STXBP5L: variants seen among roughly 807,000 people sequenced by gnomAD.
STXBP5L encodes the protein syntaxin-binding protein 5-like.
In STXBP5L, 65 loss-of-function variants were observed where a neutral mutation model predicts 144.5. That is an observed-to-expected ratio of 0.45 (90% confidence interval 0.37 to 0.55). The LOEUF is 0.55. Among genes scored for constraint, STXBP5L ranks in the 20% least tolerant of loss-of-function variants. The pLI, the probability that STXBP5L is intolerant of heterozygous loss-of-function variation, is 0.00. For synonymous variants in STXBP5L, 505 were observed against 469.6 expected (o/e 1.08, Z -0.97); for missense variants, 1,298 against 1,405.5 (o/e 0.92, Z 1.22).
chr3:121,335,647 C>T (rs559308713), intron 20 of STXBP5L, among the ~76,000 whole-genome samples: 13 of 152,066 alleles, frequency 8.5e-5, no homozygotes, highest in Non-Finnish European at 1.3e-4. Context: ...AATAAGGCCA[C>T]ACACCTACAA....
At chr3:121,227,009 A>G (rs1057062024) in intron 11 of STXBP5L, among the ~76,000 whole-genome samples, 8 of 152,188 alleles carry the variant, frequency 5.3e-5, no homozygotes, top group East Asian at 3.8e-4. Context: ...TGGTAATATA[A>G]CCAATGTTCC....
intron 5 of STXBP5L, among the ~76,000 whole-genome samples, chr3:121,107,266 T>A (rs1029675962): frequency 1.3e-5 from 2 of 152,192 alleles, no homozygotes; most frequent in South Asian, 2.1e-4. Flanking sequence ...TTGCTTTTGA[T>A]GTTTTCATCA....
At chr3:121,302,686 T>C (rs1451815306) in intron 19 of STXBP5L, among the ~76,000 whole-genome samples, 1 of 152,148 alleles carries the variant, frequency 6.6e-6, no homozygotes, top group African/African-American at 2.4e-5. Context: ...ACCAGAGATA[T>C]AGACCAATGG....
At chr3:121,080,133 A>G (rs1295836823) in intron 5 of STXBP5L, among the ~76,000 whole-genome samples, 1 of 152,052 alleles carries the variant, frequency 6.6e-6, no homozygotes, top group East Asian at 1.9e-4. Context: ...TGTCTGATAT[A>G]AGAATAGCTA....
At chr3:121,338,670 AAG>A (rs1020816307) in intron 20 of STXBP5L, among the ~76,000 whole-genome samples, 1 of 151,680 alleles carries the variant, frequency 6.6e-6, no homozygotes, top group African/African-American at 2.4e-5. Flanking sequence ...GAAAGAAAAA[AAG>A]AAAGAGGAAG....
At chr3:121,248,192 T>C (rs1049032977) in intron 14 of STXBP5L, among the ~76,000 whole-genome samples, 5 of 152,324 alleles carry the variant, frequency 3.3e-5, no homozygotes, top group Admixed American at 1.3e-4. Flanking sequence ...GCCTCCCCAG[T>C]AGCTGGGATT....
intron 5 of STXBP5L, among the ~76,000 whole-genome samples, chr3:121,071,292 C>T (rs190596765): frequency 1.8e-4 from 27 of 152,238 alleles, no homozygotes; most frequent in African/African-American, 5.3e-4. Context: ...ACATTTAACC[C>T]GCATTTAGTT....
chr3:120,977,619 G>C (rs978993861), intron 3 of STXBP5L, among the ~76,000 whole-genome samples: 4 of 152,112 alleles, frequency 2.6e-5, no homozygotes, highest in Non-Finnish European at 5.9e-5. Flanking sequence ...CTCCTTAGTT[G>C]AGGCAGTTTC....
intron 22 of STXBP5L, among the ~76,000 whole-genome samples, chr3:121,402,210 T>A (rs903756091): frequency 1.3e-5 from 2 of 152,196 alleles, no homozygotes; most frequent in Admixed American, 1.3e-4. Context: ...TGTCCAGATA[T>A]TATAATAAGC....
chr3:121,178,829 G>A (rs1206532829), intron 9 of STXBP5L, among the ~76,000 whole-genome samples: 1 of 152,180 alleles, frequency 6.6e-6, no homozygotes, highest in African/African-American at 2.4e-5. Context: ...GCACCCTGAG[G>A]GAAGGCAGCC....
chr3:120,910,849 G>A lies in STXBP5L; in HGVS notation c.189+1082G>A, dbSNP rs185465341. 5.9e-5 allele frequency among the ~76,000 whole-genome samples: 9 copies of A among 152,206 alleles called. 1 individual carries two copies. In the East Asian group the frequency reaches 1.7e-3, roughly 29 times the overall value. On this transcript the variant is annotated intron_variant, in intron 2 of 26. Coordinates refer to ENST00000471454, the MANE Select transcript of STXBP5L (RefSeq NM_001308330.2). Reference sequence around the variant, plus strand: ...TTACATAAAAGCAAGTTTATTTAGAGTTAATTTAGATAAACAGATTTAATT... The same window carrying A: ...TTACATAAAAGCAAGTTTATTTAGAATTAATTTAGATAAACAGATTTAATT...
At chr3:121,208,473 A>G (rs546513442) in intron 10 of STXBP5L, among the ~76,000 whole-genome samples, 25 of 152,334 alleles carry the variant, frequency 1.6e-4, no homozygotes, top group African/African-American at 6.0e-4. Flanking sequence ...CCTAGAACTT[A>G]AAGTGTAATA....
chr3:121,011,583 A>C (rs1005994374), intron 3 of STXBP5L, among the ~76,000 whole-genome samples: 6 of 151,688 alleles, frequency 4.0e-5, no homozygotes, highest in African/African-American at 1.2e-4. Context: ...ATACTTAGAA[A>C]ATACTTAGAA....
chr3:121,076,773 G>A (rs2042036055), intron 5 of STXBP5L, among the ~76,000 whole-genome samples: 1 of 152,100 alleles, frequency 6.6e-6, no homozygotes, highest in Non-Finnish European at 1.5e-5. Flanking sequence ...AAGTTTTTCA[G>A]CATGCACTCC....
At chr3:120,983,984 G>C (rs1396519299) in intron 3 of STXBP5L, among the ~76,000 whole-genome samples, 2 of 152,206 alleles carry the variant, frequency 1.3e-5, no homozygotes, top group Non-Finnish European at 1.5e-5. Flanking sequence ...CTGGTGATCA[G>C]AGTGCAGAGT....
At chr3:121,384,461 C>CA (rs929339899) in intron 22 of STXBP5L, among the ~76,000 whole-genome samples, 2 of 151,980 alleles carry the variant, frequency 1.3e-5, no homozygotes, top group African/African-American at 4.8e-5. Context: ...CCCAGGAGTT[C>CA]AAGACCAGCC....
chr3:121,030,303 G>C (rs562684058), intron 3 of STXBP5L, among the ~76,000 whole-genome samples: 3 of 152,276 alleles, frequency 2.0e-5, no homozygotes, highest in Admixed American at 1.3e-4. Context: ...GATAGGAGTG[G>C]ATAAAGAAGA....
intron 6 of STXBP5L, among the ~76,000 whole-genome samples, chr3:121,120,885 TATATC>T (rs1000608721): frequency 2.8e-4 from 42 of 151,338 alleles, no homozygotes; most frequent in Middle Eastern, 3.4e-3. Context: ...AAACCCTTGT[TATATC>T]AGATCAGATC....
At chr3:121,205,672 A>G (rs1215534210) in intron 9 of STXBP5L, among the ~76,000 whole-genome samples, 3 of 152,216 alleles carry the variant, frequency 2.0e-5, no homozygotes, top group African/African-American at 7.2e-5. Context: ...TGAAGGATGT[A>G]AAGTGATAAA....
Sources: gnomAD v4.1 joint callset for allele counts (sites outside exome capture counted in the v4.1 genomes callset) on GRCh38, gnomAD v4.1.1 for gene constraint, MANE v1.5 for transcripts, NCBI Gene and HGNC (gene_info 2026-07-23, HGNC 2026-07-21) for gene names.